The following FLNB variants were observed in gnomAD, a reference collection of about 807,000 sequenced individuals.
FLNB encodes filamin B, also known as filamin-B.
A neutral mutation model predicts 250.6 loss-of-function variants in FLNB; 111 were observed. That is an observed-to-expected ratio of 0.44 (90% confidence interval 0.38 to 0.52). FLNB has a LOEUF of 0.52. Among genes scored for constraint, FLNB ranks in the 20% least tolerant of loss-of-function variants. The pLI, the probability that FLNB is intolerant of heterozygous loss-of-function variation, is 0.00. For missense variants in FLNB, 2,869 were observed against 3,447.8 expected (o/e 0.83, Z 4.20); for synonymous variants, 1,302 against 1,372.1 (o/e 0.95, Z 1.13).
intron 11 of FLNB, 26 bp downstream of exon 11, chr3:58,105,242 C>A (rs894288670): frequency 1.9e-6 from 3 of 1,613,938 alleles, no homozygotes; most frequent in African/African-American, 1.3e-5. Context: ...TGACCAGCAT[C>A]TTCTGGAGGA....
At chr3:58,129,690 A>G (rs2097303438) in intron 24 of FLNB, among the ~76,000 whole-genome samples, 1 of 152,230 alleles carries the variant, frequency 6.6e-6, no homozygotes, top group African/African-American at 2.4e-5. Flanking sequence ...TCTACAAAGT[A>G]TAAATTCTCT....
At chr3:58,095,047 C>T in intron 5 of FLNB, 93 bp downstream of exon 5, 1 of 998,906 alleles carries the variant, frequency 1.0e-6, no homozygotes, top group African/African-American at 1.6e-5. Context: ...ATTTTCATTT[C>T]AGCTCACAAC....
intron 4 of FLNB, among the ~76,000 whole-genome samples, chr3:58,091,861 T>C (rs1022811594): frequency 2.0e-5 from 3 of 152,152 alleles, no homozygotes; most frequent in African/African-American, 7.2e-5. Flanking sequence ...GAACTCAAAA[T>C]GTTGCTGAGA....
chr3:58,056,881 G>A (rs761892560), intron 1 of FLNB, among the ~76,000 whole-genome samples: 1 of 152,150 alleles, frequency 6.6e-6, no homozygotes, highest in South Asian at 2.1e-4. Flanking sequence ...GAGCCACCAC[G>A]CCCTGTGACT....
At chr3:58,025,127 TTCTTTC>T (rs1313875911) in intron 1 of FLNB, among the ~76,000 whole-genome samples, 2 of 66,378 alleles carry the variant, frequency 3.0e-5, no homozygotes, top group Non-Finnish European at 4.9e-5. Context: ...TCTTCTTTCT[TTCTTTC>T]TTTTTTTTTT....
At chr3:58,104,957 T>G in intron 10 of FLNB, 123 bp from the exon 11 acceptor site, 1 of 1,297,496 alleles carries the variant, frequency 7.7e-7, no homozygotes, top group Non-Finnish European at 1.1e-6. Context: ...TTGGCTGCAG[T>G]TTGGGATGCC....
chr3:58,038,440 C>CT (rs58864061), intron 1 of FLNB, among the ~76,000 whole-genome samples: 29,328 of 142,894 alleles, frequency 0.21, 6,307 homozygotes, highest in African/African-American at 0.52. Context: ...GAATTGATGG[C>CT]TTTTTTTTTT....
intron 32 of FLNB, among the ~76,000 whole-genome samples, chr3:58,144,563 C>T (rs541241207): frequency 2.7e-4 from 41 of 152,288 alleles, no homozygotes; most frequent in Middle Eastern, 3.4e-3. Context: ...CTGCGCAAAT[C>T]GACTTTTCCC....
Position 58,109,689 on chromosome 3 carries a change from G to C in FLNB, c.2313G>C (p.Glu771Asp), listed in dbSNP as rs780634451. The change falls in exon 15 of 46, where the codon GAG (glutamate) becomes GAC (aspartate). Residue 771 changes from glutamate (E) to aspartate (D), a missense_variant. Around this residue, in one of 5 missense-constraint regions of FLNB, gnomAD observed 1,348 missense variants for 1,466.7 expected, o/e 0.92. Transcript: ENST00000295956. The stretch of plus-strand genomic sequence containing the variant: ...CACACTTCACGGTGGACTGTACTGA[G>C]GCTGGGGAAGGTGAGAAAGGGCTTT... ...EPTHFTVDCTEAGEGDVSVGI... is the reference protein window; with the variant it reads ...EPTHFTVDCTDAGEGDVSVGI... The C allele has an allele frequency of 6.2e-7, 1 of 1,614,122 alleles. No individual in the cohort carries two copies. The highest frequency in any genetic ancestry group is 8.5e-7 in the Non-Finnish European group (1 of 1,180,024).
intron 16 of FLNB, 62 bp from the exon 17 acceptor site, chr3:58,111,729 G>T (rs1361488802): frequency 2.4e-6 from 3 of 1,233,180 alleles, no homozygotes; most frequent in African/African-American, 3.0e-5. Flanking sequence ...TTTGTTGAAG[G>T]CTCCCTGAGC....
chr3:58,170,569 T>A lies in FLNB; in HGVS notation c.7622-6T>A. The A allele has an allele frequency of 1.9e-6, 3 of 1,613,990 alleles. No homozygotes were observed. The highest frequency in any genetic ancestry group is 2.5e-6 in the Non-Finnish European group (3 of 1,179,974). ...CCGGGTGGAGTAACCACCTTTTGCC[T>A]CCTAGGCTCCAACATGCTGCTGATC... On this transcript the variant is annotated splice_polypyrimidine_tract_variant and splice_region_variant and intron_variant, in intron 45 of 45. Coordinates refer to ENST00000295956, the MANE Select transcript of FLNB (RefSeq NM_001457.4).
At chr3:58,125,041 A>G (rs1291044411) in intron 22 of FLNB, among the ~76,000 whole-genome samples, 2 of 152,130 alleles carry the variant, frequency 1.3e-5, no homozygotes, top group Non-Finnish European at 2.9e-5. Context: ...ACTGACTTGA[A>G]TATTTGCTTG....
At chr3:58,018,861 G>A (rs1475578820) in intron 1 of FLNB, among the ~76,000 whole-genome samples, 2 of 149,246 alleles carry the variant, frequency 1.3e-5, no homozygotes, top group Non-Finnish European at 3.0e-5. Context: ...AGGTGTGGTG[G>A]TACATGCCTG....
Position 58,156,091 on chromosome 3 carries a change from G to A in FLNB, c.6888+16G>A, listed in dbSNP as rs1348099085. 1.3e-6 allele frequency: 2 copies of A among 1,595,786 alleles called. No individual in the cohort carries two copies. Among genetic ancestry groups the A allele is most frequent in the South Asian group, 1.1e-5 (1 of 90,774 alleles). ...GAGCCTTCAGGTGAGATGCAAGGAA[G>A]CATCCATCTCCTTGGCCGCAGGCCA... On this transcript the variant is annotated intron_variant, in intron 41 of 45. Coordinates refer to ENST00000295956, the MANE Select transcript of FLNB (RefSeq NM_001457.4).
chr3:58,103,871 A>G (rs1362583396), intron 9 of FLNB, 88 bp from the exon 10 acceptor site: 2 of 1,520,014 alleles, frequency 1.3e-6, no homozygotes, highest in Non-Finnish European at 9.1e-7. Context: ...TGTTTTGTTC[A>G]GTGTGGCTGC....
Position 58,163,339 on chromosome 3 carries a change from C to G in FLNB, c.7198+9C>G, listed in dbSNP as rs2097364755. 1.9e-6 allele frequency: 3 copies of G among 1,613,672 alleles called. No homozygotes were observed. In the African/African-American group the frequency reaches 4.0e-5, roughly 22 times the overall value. On this transcript the variant is annotated intron_variant, in intron 43 of 45. Coordinates refer to ENST00000295956, the MANE Select transcript of FLNB (RefSeq NM_001457.4). ...CGAAGGGGGCACCACAGGTAACCCA[C>G]TCTTCTGCTTCTTGAAGCCTTAACT... is the stretch of plus-strand genomic sequence containing the variant.
rs558880551 is a variant in FLNB, at chr3:58,078,903, T to C, written c.639+89T>C. ...CTTCCCGGGTCAGGCAGCCCGACCT[T>C]CTTGGCATTGAGACTTCAGAGAGCA... On this transcript the variant is annotated intron_variant, in intron 3 of 45. Transcript: ENST00000295956. The C allele has an allele frequency of 3.3e-5, 30 of 897,368 alleles. No individual in the cohort carries two copies. The South Asian group carries it at 3.8e-4, about 11-fold the overall frequency. 55.6% of individuals were successfully genotyped at this position (897,368 alleles called of 1,614,324 possible). A position where few individuals can be genotyped will look rare whatever the true frequency, so the allele number is the denominator to read the frequency against.
chr3:58,167,736 G>C (rs992840627), intron 43 of FLNB, among the ~76,000 whole-genome samples: 1 of 152,242 alleles, frequency 6.6e-6, no homozygotes, highest in Non-Finnish European at 1.5e-5. Context: ...GTTGTGTAGC[G>C]TGACTGGCCC....
Position 58,032,140 on chromosome 3 carries a change from G to T in FLNB, c.292+23284G>T, listed in dbSNP as rs527718404. ...TTGTATTTTTGGTAGAGACAGGGTTGCCCAGGCTGGTCTTGAACTCCTGAG... is the reference window on the plus strand; with the variant it reads ...TTGTATTTTTGGTAGAGACAGGGTTTCCCAGGCTGGTCTTGAACTCCTGAG... On this transcript the variant is annotated intron_variant, in intron 1 of 45. Coordinates refer to ENST00000295956, the MANE Select transcript of FLNB (RefSeq NM_001457.4). 3.3e-5 allele frequency among the ~76,000 whole-genome samples: 5 copies of T among 151,938 alleles called. 1 individual carries two copies. Among genetic ancestry groups the T allele is most frequent in the African/African-American group, 1.2e-4 (5 of 41,442 alleles).
Sources: gnomAD v4.1 joint callset for allele counts (sites outside exome capture counted in the v4.1 genomes callset) on GRCh38, gnomAD v4.1.1 for gene constraint, gnomAD v4.1.1 regional missense constraint, MANE v1.5 for transcripts, NCBI Gene and HGNC (gene_info 2026-07-23, HGNC 2026-07-21) for gene names.